GLIS1: variants seen among roughly 807,000 people sequenced by gnomAD.
GLIS1 encodes the protein zinc finger protein GLIS1.
Under a neutral mutation model 63.8 loss-of-function variants are expected in GLIS1, and 24 were observed. That is an observed-to-expected ratio of 0.38 (90% CI 0.27 to 0.53). GLIS1 has a LOEUF of 0.53. Among genes scored for constraint, GLIS1 ranks in the 20% least tolerant of loss-of-function variants. The pLI is 0.85. For missense variants in GLIS1, 1,036 were observed against 1,074.1 expected (o/e 0.96, Z 0.50); for synonymous variants, 450 against 482.5 (o/e 0.93, Z 0.88).
chr1:53,731,046 C>T (rs1557545904), intron 2 of GLIS1, among the ~76,000 whole-genome samples: 1 of 152,232 alleles, frequency 6.6e-6, no homozygotes, highest in African/African-American at 2.4e-5. Context: ...TCTCGTCCAA[C>T]AGATGTCTTT....
intron 2 of GLIS1, among the ~76,000 whole-genome samples, chr1:53,609,563 C>T (rs1645405891): frequency 6.6e-6 from 1 of 152,306 alleles, no homozygotes; most frequent in African/African-American, 2.4e-5. Flanking sequence ...GCCACCGCAC[C>T]CAGCCTAAAT....
intron 6 of GLIS1, 23 bp from the exon 7 acceptor site, chr1:53,520,789 G>C (rs763261265): frequency 1.3e-6 from 2 of 1,590,960 alleles, no homozygotes; most frequent in South Asian, 2.3e-5. Flanking sequence ...CAGAGGGAAA[G>C]GAGGTGTTAG....
At chr1:53,606,789 C>T (rs969797161) in intron 2 of GLIS1, among the ~76,000 whole-genome samples, 2 of 152,250 alleles carry the variant, frequency 1.3e-5, no homozygotes, top group Non-Finnish European at 2.9e-5. Context: ...CTGACGCTCG[C>T]GGCCTCACGC....
intron 4 of GLIS1, among the ~76,000 whole-genome samples, chr1:53,553,910 G>C (rs2100411586): frequency 6.6e-6 from 1 of 152,300 alleles, no homozygotes; most frequent in East Asian, 1.9e-4. Context: ...CTGCAGCTCA[G>C]ACAGTGTGCC....
intron 4 of GLIS1, among the ~76,000 whole-genome samples, chr1:53,549,486 T>G (rs1644737769): frequency 6.6e-6 from 1 of 152,210 alleles, no homozygotes; most frequent in Non-Finnish European, 1.5e-5. Context: ...TGTGAAGTGG[T>G]AGCTCCTTGT....
intron 4 of GLIS1, among the ~76,000 whole-genome samples, chr1:53,566,751 CCT>C (rs1417658626): frequency 6.6e-6 from 1 of 152,182 alleles, no homozygotes; most frequent in Non-Finnish European, 1.5e-5. Flanking sequence ...CTCTCTCTTT[CCT>C]GCTCCACCAT....
chr1:53,703,639 TAA>T (rs59555116), intron 2 of GLIS1, among the ~76,000 whole-genome samples: 29 of 71,666 alleles, frequency 4.0e-4, no homozygotes, highest in African/African-American at 3.3e-4. Context: ...ACCCTGTCTC[TAA>T]AAAAAAAAAA....
chr1:53,724,093 C>T (rs1012382409), intron 2 of GLIS1, among the ~76,000 whole-genome samples: 1 of 152,210 alleles, frequency 6.6e-6, no homozygotes, highest in Non-Finnish European at 1.5e-5. Flanking sequence ...CTAGGACTCA[C>T]ATGTGTATCT....
At chr1:53,683,298 A>T (rs879560269) in intron 2 of GLIS1, among the ~76,000 whole-genome samples, 1 of 152,128 alleles carries the variant, frequency 6.6e-6, no homozygotes, top group African/African-American at 2.4e-5. Flanking sequence ...GCATCCTCAC[A>T]CCGCGTGAAT....
intron 2 of GLIS1, among the ~76,000 whole-genome samples, chr1:53,615,229 C>T (rs1645468532): frequency 6.6e-6 from 1 of 152,138 alleles, no homozygotes; most frequent in African/African-American, 2.4e-5. Flanking sequence ...GTATCCTTCC[C>T]CTTGGTGGCT....
intron 2 of GLIS1, among the ~76,000 whole-genome samples, chr1:53,735,794 C>T (rs1314192301): frequency 6.6e-6 from 1 of 152,192 alleles, no homozygotes; most frequent in South Asian, 2.1e-4. Context: ...AAGAAGGTGC[C>T]GTTTCCTCGC....
chr1:53,521,255 A>C (rs1644405643), intron 6 of GLIS1, among the ~76,000 whole-genome samples: 1 of 113,054 alleles, frequency 8.8e-6, no homozygotes, highest in African/African-American at 2.7e-5. Flanking sequence ...TGGGTAGCTG[A>C]GTTCTGCAGG....
In GLIS1 at chr1:53,627,204, G is replaced by A. The variant is rs538773918; in HGVS notation, c.260-26926C>T. Reference sequence around the variant, plus strand: ...AAGAGCTGAACGCTAGGTAGTCCTGGGAGGGGGAGGTGTGGGCGGCCTGCA... The same window carrying A: ...AAGAGCTGAACGCTAGGTAGTCCTGAGAGGGGGAGGTGTGGGCGGCCTGCA... On this transcript the variant is annotated intron_variant, in intron 2 of 10. Transcript: ENST00000628545. Among the ~76,000 whole-genome samples, 27 of 152,336 alleles carry A rather than the reference G, an allele frequency of 1.8e-4. No individual in the cohort carries two copies. In the South Asian group the frequency reaches 5.6e-3, roughly 32 times the overall value.
At chr1:53,651,870 T>A (rs1457422902) in intron 2 of GLIS1, among the ~76,000 whole-genome samples, 1 of 131,830 alleles carries the variant, frequency 7.6e-6, no homozygotes, top group Non-Finnish European at 1.5e-5. Context: ...GAAGATCTTG[T>A]CTCAAAAAAA....
intron 2 of GLIS1, among the ~76,000 whole-genome samples, chr1:53,616,663 G>A (rs764937451): frequency 4.6e-5 from 7 of 152,060 alleles, no homozygotes; most frequent in Non-Finnish European, 1.0e-4. Context: ...TCCATCTTGG[G>A]TCTCCATGAG....
Position 53,665,966 on chromosome 1 carries a change from G to C in GLIS1, c.260-65688C>G, listed in dbSNP as rs374568596. On this transcript the variant is annotated intron_variant, in intron 2 of 10. Coordinates refer to ENST00000628545, the MANE Select transcript of GLIS1 (RefSeq NM_001367484.1). ...AAAGGAGAACAGGGAAAGAGAAAAT[G>C]GGTATTAACTCATTTAATCCTCATG... is the stretch of plus-strand genomic sequence containing the variant. Among the ~76,000 whole-genome samples the C allele has an allele frequency of 5.9e-5, 9 of 152,250 alleles. No homozygotes were observed. The South Asian group carries it at 1.9e-3, about 32-fold the overall frequency.
At chr1:53,660,870 C>G (rs1646020376) in intron 2 of GLIS1, among the ~76,000 whole-genome samples, 1 of 152,180 alleles carries the variant, frequency 6.6e-6, no homozygotes, top group Non-Finnish European at 1.5e-5. Context: ...AGCCCACCAG[C>G]CGAGCTGACT....
At chr1:53,647,932 G>A (rs896397416) in intron 2 of GLIS1, among the ~76,000 whole-genome samples, 3 of 152,164 alleles carry the variant, frequency 2.0e-5, no homozygotes, top group Non-Finnish European at 4.4e-5. Context: ...AGCATTTTGG[G>A]AGGATGAGGC....
intron 4 of GLIS1, among the ~76,000 whole-genome samples, chr1:53,571,799 CG>C (rs1381612403): frequency 2.6e-5 from 4 of 151,828 alleles, no homozygotes; most frequent in African/African-American, 9.7e-5. Flanking sequence ...AGGATGGTCT[CG>C]ATCTCCTGAC....
Sources: allele counts gnomAD v4.1 joint callset (sites outside exome capture counted in the v4.1 genomes callset), GRCh38; gene constraint gnomAD v4.1.1; transcripts MANE v1.5; gene names NCBI Gene and HGNC (gene_info 2026-07-23, HGNC 2026-07-21).